Variants in PTPRG observed in about 807,000 individuals in gnomAD.
PTPRG encodes protein tyrosine phosphatase receptor type G, also known as receptor-type tyrosine-protein phosphatase gamma.
A neutral mutation model predicts 165.3 loss-of-function variants in PTPRG; 102 were observed. That is an observed-to-expected ratio of 0.62 (90% CI 0.53 to 0.73). PTPRG has a LOEUF of 0.73. Among genes scored for constraint, PTPRG ranks in the 30% least tolerant of loss-of-function variants. The probability of loss-of-function intolerance (pLI) is 0.00; values close to 1 mark genes in which losing one functional copy is unlikely to be tolerated. For synonymous variants in PTPRG, 675 were observed against 669.5 expected (o/e 1.01, Z -0.13); for missense variants, 1,866 against 1,861.4 (o/e 1.00, Z -0.05).
At chr3:61,761,598 C>G (rs1366117883) in intron 2 of PTPRG, among the ~76,000 whole-genome samples, 1 of 151,804 alleles carries the variant, frequency 6.6e-6, no homozygotes, top group Non-Finnish European at 1.5e-5. Context: ...AACAAACAAA[C>G]AAACAAACAA....
rs193275814 is a variant in PTPRG, at chr3:62,292,341, A to T, written c.4056-80A>T. ...AAACAGTCTACTTAGTTTCTATGAA[A>T]ATACATGACAGTAATTTCATTTCAA... On this transcript the variant is annotated intron_variant, in intron 28 of 29. Transcript: ENST00000474889. 18 of 1,442,610 alleles carry T rather than the reference A, an allele frequency of 1.2e-5. 1 individual carries two copies. The African/African-American group carries it at 2.0e-4, about 16-fold the overall frequency. 89.4% of individuals were successfully genotyped at this position (1,442,610 alleles called of 1,614,324 possible). A position where few individuals can be genotyped will look rare whatever the true frequency, so the allele number is the denominator to read the frequency against.
chr3:61,824,537 CTG>C (rs1337205343), intron 2 of PTPRG, among the ~76,000 whole-genome samples: 2 of 152,086 alleles, frequency 1.3e-5, no homozygotes, highest in Non-Finnish European at 2.9e-5. Context: ...TTAAGTGAAA[CTG>C]TGATTTCTCA....
chr3:61,879,785 T>C (rs890065762), intron 2 of PTPRG, among the ~76,000 whole-genome samples: 3 of 152,226 alleles, frequency 2.0e-5, no homozygotes, highest in Non-Finnish European at 4.4e-5. Flanking sequence ...GAGTGGACAT[T>C]CTTGCTTTCC....
chr3:61,971,879 A>C (rs1216582222), intron 2 of PTPRG, among the ~76,000 whole-genome samples: 1 of 152,266 alleles, frequency 6.6e-6, no homozygotes, highest in Non-Finnish European at 1.5e-5. Flanking sequence ...AAAAAACAAA[A>C]AAGAATAAAA....
rs558203661 is a variant in PTPRG, at chr3:62,190,155, T to C, written c.1034-1314T>C. On this transcript the variant is annotated intron_variant, in intron 8 of 29. Transcript: ENST00000474889. The surrounding 1 kb of genome is among the most constrained non-coding windows in gnomAD (Gnocchi z 5.2). ...AGTGGAGGTTCTCAGCCGAAGGTGA[T>C]TGGCCCCTGCAAGCAACCTTTGGCA... Among the ~76,000 whole-genome samples the C allele has an allele frequency of 3.2e-4, 49 of 152,288 alleles. No homozygotes were observed. Among genetic ancestry groups the C allele is most frequent in the African/African-American group, 9.9e-4 (41 of 41,570 alleles).
At position 62,132,606 on chromosome 3, in the gene PTPRG, G is replaced by C. The variant is rs754085336; in HGVS notation, c.620G>C (p.Ser207Thr). ...TCATGTTTCCTTTACATTTAGGTCA[G>C]TCCGAGGGACAATTCTGCACTGGAT... ...IGAMAIFFQV[S>T]PRDNSALDPI... The change falls in exon 6 of 30, where the codon AGT becomes ACT. Residue 207 changes from serine to threonine, a missense_variant. Ser to Thr is a moderately conservative substitution (Grantham distance 58). Transcript: ENST00000474889. 1.9e-6 allele frequency: 3 copies of C among 1,608,666 alleles called. No homozygotes were observed. In the East Asian group the frequency reaches 6.7e-5, roughly 36 times the overall value.
chr3:61,967,497 G>C (rs1346276665), intron 2 of PTPRG, among the ~76,000 whole-genome samples: 2 of 152,144 alleles, frequency 1.3e-5, no homozygotes, highest in African/African-American at 4.8e-5. Flanking sequence ...CATTTCAAAT[G>C]TTAGTAATGC....
At chr3:62,127,300 G>A (rs1186406045) in intron 5 of PTPRG, among the ~76,000 whole-genome samples, 1 of 152,222 alleles carries the variant, frequency 6.6e-6, no homozygotes, top group East Asian at 1.9e-4. Flanking sequence ...AAGTCAGAAT[G>A]AAAGAAGCTA....
At chr3:61,592,645 C>T (rs60408697) in intron 1 of PTPRG, among the ~76,000 whole-genome samples, 15,924 of 138,364 alleles carry the variant, frequency 0.12, 1,431 homozygotes, top group African/African-American at 0.23. Flanking sequence ...TTCTTTCTTT[C>T]TTTCTTTTTT....
At chr3:62,260,218 G>A (rs1194574912) in intron 16 of PTPRG, among the ~76,000 whole-genome samples, 1 of 152,148 alleles carries the variant, frequency 6.6e-6, no homozygotes, top group Non-Finnish European at 1.5e-5. Context: ...CACTAAGAAT[G>A]TTACCCCTAC....
At chr3:62,157,253 T>C in intron 7 of PTPRG, 29 bp downstream of exon 7, 1 of 1,604,648 alleles carries the variant, frequency 6.2e-7, no homozygotes, top group Non-Finnish European at 8.5e-7. Context: ...GTGGGGTTTC[T>C]GTGTTTACTT....
chr3:62,201,437 A>G, intron 10 of PTPRG, 68 bp from the exon 11 acceptor site: 2 of 1,218,800 alleles, frequency 1.6e-6, no homozygotes, highest in Non-Finnish European at 2.3e-6. Context: ...ATTTGTGTTC[A>G]TAAGGAATAT....
chr3:62,014,661 C>A (rs1017611111), intron 4 of PTPRG, among the ~76,000 whole-genome samples: 1 of 152,130 alleles, frequency 6.6e-6, no homozygotes, highest in Non-Finnish European at 1.5e-5. Context: ...AGAAACCTCA[C>A]GCACTCCCCT....
In PTPRG at chr3:62,282,883, T is replaced by C; in HGVS notation, c.4055+14T>C. The C allele has an allele frequency of 3.2e-6, 5 of 1,581,840 alleles. No homozygotes were observed. Among genetic ancestry groups the C allele is most frequent in the Non-Finnish European group, 4.3e-6 (5 of 1,166,858 alleles). On this transcript the variant is annotated intron_variant, in intron 28 of 29. Transcript: ENST00000474889. ...TGTTCATGATGAGTATGTATCTGTT[T>C]CTTAATTTTAAAATGTAGACCGTTT...
At chr3:61,806,637 C>G (rs2035426820) in intron 2 of PTPRG, among the ~76,000 whole-genome samples, 1 of 152,020 alleles carries the variant, frequency 6.6e-6, no homozygotes, top group African/African-American at 2.4e-5. Flanking sequence ...GGGTAGTTAG[C>G]AAACCTGTGT....
At chr3:62,292,631 C>T in intron 29 of PTPRG, 75 bp downstream of exon 29, 11 of 1,531,244 alleles carry the variant, frequency 7.2e-6, no homozygotes, top group Non-Finnish European at 9.7e-6. Context: ...AGCAGTAGTT[C>T]TCAATTGGGG....
intron 9 of PTPRG, among the ~76,000 whole-genome samples, 172 bp downstream of exon 9, chr3:62,191,825 G>T (rs1266251951): frequency 1.3e-5 from 2 of 152,174 alleles, no homozygotes; most frequent in African/African-American, 4.8e-5. Context: ...GGAGGACAGT[G>T]GATGGAGCCT....
In PTPRG at chr3:61,647,606, C is replaced by T. The variant is rs550269108; in HGVS notation, c.85+85234C>T. The stretch of plus-strand genomic sequence containing the variant: ...GAGATCGAGACCATCCTGGCTAACA[C>T]AGTGAAACCCCGTCTCCACTAAAAA... On this transcript the variant is annotated intron_variant, in intron 1 of 29. Coordinates refer to ENST00000474889, the MANE Select transcript of PTPRG (RefSeq NM_002841.4). Among the ~76,000 whole-genome samples, 521 of 152,080 alleles carry T rather than the reference C, an allele frequency of 3.4e-3. 4 individuals are homozygous for T. Among genetic ancestry groups the T allele is most frequent in the African/African-American group, 0.012 (485 of 41,494 alleles).
At position 61,684,611 on chromosome 3, in the gene PTPRG, G is replaced by C. The variant is rs183573643; in HGVS notation, c.86-64267G>C. On this transcript the variant is annotated intron_variant, in intron 1 of 29. Coordinates refer to ENST00000474889, the MANE Select transcript of PTPRG (RefSeq NM_002841.4). Reference sequence around the variant, plus strand: ...GAAGTCGGGAAGTCCATTACCCAAGGCTGTGGGAAACACAGGTCATAAAAG... The same window carrying C: ...GAAGTCGGGAAGTCCATTACCCAAGCCTGTGGGAAACACAGGTCATAAAAG... 8.1e-4 allele frequency among the ~76,000 whole-genome samples: 124 copies of C among 152,258 alleles called. 1 individual carries two copies. Among genetic ancestry groups the C allele is most frequent in the African/African-American group, 3.0e-3 (123 of 41,558 alleles).
Sources: gnomAD v4.1 joint callset for allele counts (sites outside exome capture counted in the v4.1 genomes callset) on GRCh38, gnomAD v4.1.1 for gene constraint, Gnocchi (gnomAD v3.1) non-coding constraint, MANE v1.5 for transcripts, NCBI Gene and HGNC (gene_info 2026-07-23, HGNC 2026-07-21) for gene names.